Variants in DAB2IP observed in about 807,000 individuals in gnomAD.
The protein encoded by DAB2IP is disabled homolog 2-interacting protein.
A neutral mutation model predicts 107.2 loss-of-function variants in DAB2IP; 28 were observed. The ratio of observed to expected loss-of-function variants is 0.26; its 90% CI spans 0.19 to 0.36. DAB2IP has a LOEUF of 0.36. Ranked by LOEUF, DAB2IP falls within the 10% of genes least tolerant of loss-of-function variation. The pLI, the probability that DAB2IP is intolerant of heterozygous loss-of-function variation, is 1.00. For missense variants in DAB2IP, 1,400 were observed against 1,644.7 expected (o/e 0.85, Z 2.57); for synonymous variants, 755 against 706.4 (o/e 1.07, Z -1.09).
intron 1 of DAB2IP, among the ~76,000 whole-genome samples, chr9:121,636,051 A>G (rs1053792661): frequency 1.3e-5 from 2 of 152,090 alleles, no homozygotes; most frequent in African/African-American, 4.8e-5. Flanking sequence ...CTACAGGTAC[A>G]TGCCACCATG....
intron 3 of DAB2IP, among the ~76,000 whole-genome samples, chr9:121,734,907 T>C (rs1407106873): frequency 6.6e-6 from 1 of 152,160 alleles, no homozygotes; most frequent in Non-Finnish European, 1.5e-5. Flanking sequence ...ATGAAATCAG[T>C]GGGAGCAGAC....
chr9:121,670,823 C>T (rs1833649679), intron 1 of DAB2IP, among the ~76,000 whole-genome samples: 1 of 151,824 alleles, frequency 6.6e-6, no homozygotes. Context: ...TCAGGACCAG[C>T]CTAGCCAAAA....
At chr9:121,617,020 T>A (rs1447186424) in intron 1 of DAB2IP, among the ~76,000 whole-genome samples, 1 of 152,080 alleles carries the variant, frequency 6.6e-6, no homozygotes, top group Admixed American at 6.5e-5. Context: ...TGGAGAGGTT[T>A]ATCTGTTCCG....
In DAB2IP at chr9:121,569,397, C is replaced by T. The variant is rs1444577431; in HGVS notation, c.40+2169C>T. ...AAGCCCTAACCCTATACTTGGAATC[C>T]AGAAAGGCTTCCTGGCAGAGGTGAC... On this transcript the variant is annotated intron_variant, in intron 1 of 16. Coordinates refer to the DAB2IP transcript ENST00000259371. 2.0e-5 allele frequency among the ~76,000 whole-genome samples: 3 copies of T among 152,202 alleles called. No homozygotes were observed. In the East Asian group the frequency reaches 5.8e-4, roughly 29 times the overall value.
At chr9:121,601,469 G>T (rs2118953584) in intron 1 of DAB2IP, among the ~76,000 whole-genome samples, 1 of 152,280 alleles carries the variant, frequency 6.6e-6, no homozygotes, top group East Asian at 1.9e-4. Flanking sequence ...AGAAATCTTT[G>T]TCTCTATGAC....
chr9:121,607,117 T>A (rs965538265), intron 1 of DAB2IP, among the ~76,000 whole-genome samples: 8 of 151,828 alleles, frequency 5.3e-5, no homozygotes, highest in Admixed American at 4.6e-4. Context: ...CGCAGATGGG[T>A]CAGGTGACCA....
chr9:121,595,429 C>CAACAAACAAACA (rs34195743), intron 1 of DAB2IP, among the ~76,000 whole-genome samples: 5 of 150,222 alleles, frequency 3.3e-5, no homozygotes, highest in African/African-American at 1.2e-4. Context: ...CTTATCTCTA[C>CAACAAACAAACA]AACAAACAAA....
chr9:121,694,098 G>T (rs1391490045), intron 2 of DAB2IP, among the ~76,000 whole-genome samples: 1 of 152,144 alleles, frequency 6.6e-6, no homozygotes, highest in Non-Finnish European at 1.5e-5. Context: ...GAGTGAGCGG[G>T]CCTCCCTTTC....
intron 6 of DAB2IP, among the ~76,000 whole-genome samples, chr9:121,761,595 C>G (rs992634258): frequency 6.6e-6 from 1 of 152,236 alleles, no homozygotes; most frequent in African/African-American, 2.4e-5. Context: ...CCCTCTTGCA[C>G]TTGCTGTATG....
chr9:121,577,826 A>G (rs1223107388), intron 1 of DAB2IP, among the ~76,000 whole-genome samples: 2 of 152,160 alleles, frequency 1.3e-5, no homozygotes, highest in Non-Finnish European at 2.9e-5. Flanking sequence ...GATGGCAACC[A>G]GAGGTCAGTA....
At chr9:121,615,845 C>T (rs1030466548) in intron 1 of DAB2IP, among the ~76,000 whole-genome samples, 58 of 152,076 alleles carry the variant, frequency 3.8e-4, no homozygotes, top group African/African-American at 1.3e-3. Context: ...AGGCTGGTCT[C>T]GAACTCCTGG....
At position 121,662,441 on chromosome 9, in the gene DAB2IP, T is replaced by C. The variant is rs1169892040; in HGVS notation, c.124+10542T>C. Among the ~76,000 whole-genome samples the C allele has an allele frequency of 6.6e-6, 1 of 152,230 alleles. No homozygotes were observed. Among genetic ancestry groups the C allele is most frequent in the East Asian group, 1.9e-4 (1 of 5,204 alleles). On this transcript the variant is annotated intron_variant, in intron 1 of 15. Coordinates refer to ENST00000408936, the Ensembl canonical transcript of DAB2IP. The surrounding 1 kb of genome is among the most constrained non-coding windows in gnomAD (Gnocchi z 4.6). ...AGAAGAAGGAGAACATAGGGAGTTA[T>C]ATGAAATTCAAATTTCAATGCCCAT...
At chr9:121,711,989 C>T (rs1208011788) in intron 3 of DAB2IP, among the ~76,000 whole-genome samples, 2 of 152,246 alleles carry the variant, frequency 1.3e-5, no homozygotes, top group East Asian at 3.8e-4. Context: ...TGCATAATTG[C>T]ACCGTCTCCT....
intron 1 of DAB2IP, among the ~76,000 whole-genome samples, chr9:121,582,146 G>A (rs1416192620): frequency 6.6e-6 from 1 of 152,226 alleles, no homozygotes; most frequent in Admixed American, 6.5e-5. Context: ...GGCTGAAAGG[G>A]GGTTGGAAGC....
intron 1 of DAB2IP, among the ~76,000 whole-genome samples, chr9:121,586,952 C>G (rs1330833759): frequency 6.6e-6 from 1 of 152,172 alleles, no homozygotes; most frequent in Non-Finnish European, 1.5e-5. Flanking sequence ...ACCTCTGAGT[C>G]AATTTGATTC....
At chr9:121,768,308 G>C in intron 9 of DAB2IP, 124 bp from the exon 10 acceptor site, 1 of 1,013,016 alleles carries the variant, frequency 9.9e-7, no homozygotes, top group East Asian at 2.4e-5. Flanking sequence ...CAGCTGACTT[G>C]GGGAGTGAAT....
At chr9:121,612,648 A>T (rs1018585111) in intron 1 of DAB2IP, among the ~76,000 whole-genome samples, 6 of 152,144 alleles carry the variant, frequency 3.9e-5, no homozygotes, top group Non-Finnish European at 7.3e-5. Flanking sequence ...CCCTTCCGAG[A>T]ACCGCCAGGG....
intron 10 of DAB2IP, 85 bp downstream of exon 10, chr9:121,768,718 CAG>C (rs1010337134): frequency 2.7e-5 from 42 of 1,547,568 alleles, no homozygotes; most frequent in Middle Eastern, 2.3e-4. Flanking sequence ...CCATGGAGGG[CAG>C]AGAGTTTGCC....
chr9:121,585,152 CA>C (rs1268177375), intron 1 of DAB2IP, among the ~76,000 whole-genome samples: 3 of 152,154 alleles, frequency 2.0e-5, no homozygotes, highest in Non-Finnish European at 4.4e-5. Context: ...TTGGCCAAAT[CA>C]ATGACCTCTT....
Sources: gnomAD v4.1 joint callset for allele counts (sites outside exome capture counted in the v4.1 genomes callset) on GRCh38, gnomAD v4.1.1 for gene constraint, Gnocchi (gnomAD v3.1) non-coding constraint, MANE v1.5 for transcripts, NCBI Gene and HGNC (gene_info 2026-07-23, HGNC 2026-07-21) for gene names.